The following ITGA9 variants were observed in gnomAD, a reference collection of about 807,000 sequenced individuals.
The protein encoded by ITGA9 is integrin subunit alpha 9, also known as integrin alpha-9.
ITGA9 carries 56 observed loss-of-function variants against 127.8 expected under a neutral mutation model. The ratio of observed to expected loss-of-function variants is 0.44; its 90% CI spans 0.35 to 0.55. The LOEUF (loss-of-function observed/expected upper bound fraction) is 0.55. ITGA9 is among the 20% of genes least tolerant of loss of function. ITGA9 has a pLI of 0.00. For missense variants in ITGA9, 1,196 were observed against 1,347.1 expected (o/e 0.89, Z 1.76); for synonymous variants, 508 against 514.5 (o/e 0.99, Z 0.17).
chr3:37,571,559 A>G (rs1185836592), intron 15 of ITGA9, among the ~76,000 whole-genome samples: 3 of 152,176 alleles, frequency 2.0e-5, no homozygotes, highest in Non-Finnish European at 4.4e-5. Flanking sequence ...AATCACCTGG[A>G]GGACTTGCTA....
intron 18 of ITGA9, among the ~76,000 whole-genome samples, chr3:37,700,058 A>G (rs1287426198): frequency 6.6e-6 from 1 of 152,200 alleles, no homozygotes; most frequent in Non-Finnish European, 1.5e-5. Flanking sequence ...ATCTTGGCTC[A>G]CTGCAACCTC....
rs762999914 is a variant in ITGA9, at chr3:37,803,773, CA to C, written c.2890-40del. On this transcript the variant is annotated intron_variant, in intron 26 of 27. Coordinates refer to ENST00000264741, the MANE Select transcript of ITGA9 (RefSeq NM_002207.3). ...TGGGTGACAGAACAAGACTCTGTCT[CA>C]AAAAAAAAATAAAAAAGGAAATGTT... The C allele has an allele frequency of 2.0e-3, 2,840 of 1,389,778 alleles. 1 individual carries two copies. Among genetic ancestry groups the C allele is most frequent in the African/African-American group, 7.1e-3 (489 of 68,946 alleles). 86.1% of individuals were successfully genotyped at this position (1,389,778 alleles called of 1,614,324 possible).
intron 16 of ITGA9, among the ~76,000 whole-genome samples, chr3:37,642,023 G>A (rs951116843): frequency 1.3e-5 from 2 of 152,024 alleles, no homozygotes; most frequent in Non-Finnish European, 2.9e-5. Flanking sequence ...CTGCAGCCTC[G>A]ACTTTCCAGG....
At chr3:37,768,597 C>T (rs1411553557) in intron 23 of ITGA9, among the ~76,000 whole-genome samples, 1 of 152,096 alleles carries the variant, frequency 6.6e-6, no homozygotes, top group Non-Finnish European at 1.5e-5. Context: ...CATGTTTACC[C>T]GGTTGCCGTC....
At chr3:37,514,808 A>G (rs961428508) in intron 9 of ITGA9, among the ~76,000 whole-genome samples, 1 of 152,158 alleles carries the variant, frequency 6.6e-6, no homozygotes, top group African/African-American at 2.4e-5. Context: ...CCTGATTTCA[A>G]GTGATCTGCC....
At chr3:37,684,300 C>T (rs556494084) in intron 18 of ITGA9, among the ~76,000 whole-genome samples, 20 of 152,248 alleles carry the variant, frequency 1.3e-4, no homozygotes, top group African/African-American at 3.6e-4. Flanking sequence ...ACATCTGGCC[C>T]CTTCTTGGAG....
chr3:37,664,121 C>T (rs534760989), intron 17 of ITGA9, among the ~76,000 whole-genome samples: 9 of 152,150 alleles, frequency 5.9e-5, no homozygotes, highest in South Asian at 2.1e-4. Flanking sequence ...TTCTACATCG[C>T]GCTCTCCTCC....
At chr3:37,647,113 G>A (rs75151128) in intron 16 of ITGA9, among the ~76,000 whole-genome samples, 1,945 of 152,034 alleles carry the variant, frequency 0.013, 36 homozygotes, top group African/African-American at 0.043. Context: ...TGATTCCATG[G>A]TGTATTGTTT....
intron 15 of ITGA9, among the ~76,000 whole-genome samples, chr3:37,602,609 AT>A (rs1488272257): frequency 1.3e-5 from 2 of 151,878 alleles, no homozygotes; most frequent in Non-Finnish European, 2.9e-5. Context: ...TTTAATTTTT[AT>A]TTTTTGCATT....
chr3:37,539,124 G>A (rs1466034192), intron 14 of ITGA9, among the ~76,000 whole-genome samples: 1 of 152,212 alleles, frequency 6.6e-6, no homozygotes, highest in Non-Finnish European at 1.5e-5. Context: ...CAGTACTTCT[G>A]CAGTGAGATG....
chr3:37,770,053 G>A (rs965577408), intron 23 of ITGA9, among the ~76,000 whole-genome samples: 1 of 152,164 alleles, frequency 6.6e-6, no homozygotes, highest in Non-Finnish European at 1.5e-5. Flanking sequence ...GTAAAAAGGG[G>A]TGGAATTTAA....
rs928063732 is a variant in ITGA9 at position 37,799,501 on chromosome 3, C to T, written c.2890-4322C>T. Among the ~76,000 whole-genome samples the T allele has an allele frequency of 9.2e-5, 14 of 152,200 alleles. No individual in the cohort carries two copies. The highest frequency in any genetic ancestry group is 2.4e-4 in the African/African-American group (10 of 41,514). On this transcript the variant is annotated intron_variant, in intron 26 of 27. Coordinates refer to ENST00000264741, the MANE Select transcript of ITGA9 (RefSeq NM_002207.3). This position sits in a 1 kb window ranked among gnomAD's most constrained non-coding sequence, Gnocchi z 4.0. ...AGCCTGCAGAGAGGCTGGGGACCAC[C>T]GGTCTCACAGAGGAGAGGCCTCTAA... is the stretch of plus-strand genomic sequence containing the variant.
intron 27 of ITGA9, among the ~76,000 whole-genome samples, chr3:37,812,527 T>C (rs982838196): frequency 2.2e-4 from 34 of 152,336 alleles, no homozygotes; most frequent in African/African-American, 6.7e-4. Context: ...CCCATCTAAG[T>C]AAGGCTGTTT....
intron 18 of ITGA9, among the ~76,000 whole-genome samples, chr3:37,709,717 A>ACCTTC (rs1701056578): frequency 6.6e-6 from 1 of 152,258 alleles, no homozygotes; most frequent in Non-Finnish European, 1.5e-5. Context: ...CTTGTATGGG[A>ACCTTC]ACATCATCAC....
intron 16 of ITGA9, among the ~76,000 whole-genome samples, chr3:37,641,284 G>A (rs370000847): frequency 3.3e-5 from 5 of 152,064 alleles, no homozygotes; most frequent in Non-Finnish European, 5.9e-5. Flanking sequence ...AGATTGTGCC[G>A]AAACCATCCC....
intron 17 of ITGA9, among the ~76,000 whole-genome samples, chr3:37,674,703 T>C (rs910748441): frequency 2.6e-5 from 4 of 152,136 alleles, no homozygotes; most frequent in Admixed American, 2.6e-4. Context: ...CTGGTACAGC[T>C]CCCCTGGTGC....
chr3:37,748,149 T>C (rs982580990), intron 22 of ITGA9: 12 of 488,504 alleles, frequency 2.5e-5, no homozygotes, highest in African/African-American at 2.2e-4. Flanking sequence ...GCACCTGATA[T>C]ATGTTCTCTA....
intron 18 of ITGA9, among the ~76,000 whole-genome samples, chr3:37,694,962 G>T (rs1453039540): frequency 6.6e-6 from 1 of 152,194 alleles, no homozygotes; most frequent in Admixed American, 6.5e-5. Flanking sequence ...GTGTTTCCGG[G>T]GGAAGACAGG....
At chr3:37,493,573 AGAACCTTTGATG>A (rs1403047206) in intron 4 of ITGA9, among the ~76,000 whole-genome samples, 22 of 151,318 alleles carry the variant, frequency 1.5e-4, no homozygotes, top group African/African-American at 4.9e-4. Flanking sequence ...CTCACTTTGC[AGAACCTTTGATG>A]GTCTACAGAA....
Sources: gnomAD v4.1 joint callset for allele counts (sites outside exome capture counted in the v4.1 genomes callset) on GRCh38, gnomAD v4.1.1 for gene constraint, Gnocchi (gnomAD v3.1) non-coding constraint, MANE v1.5 for transcripts, NCBI Gene and HGNC (gene_info 2026-07-23, HGNC 2026-07-21) for gene names.